HS6ST2: variants seen among roughly 807,000 people sequenced by gnomAD.
HS6ST2 encodes the protein heparan sulfate 6-O-sulfotransferase 2.
HS6ST2 carries 17 observed loss-of-function variants against 33.0 expected under a neutral mutation model. That is an observed-to-expected ratio of 0.52 (90% confidence interval 0.35 to 0.77). The LOEUF (loss-of-function observed/expected upper bound fraction) is 0.77. Ranked by LOEUF, HS6ST2 falls within the 30% of genes least tolerant of loss-of-function variation. The probability of loss-of-function intolerance (pLI) is 0.01; values close to 1 mark genes in which losing one functional copy is unlikely to be tolerated. For missense variants in HS6ST2, 519 were observed against 551.7 expected (o/e 0.94, Z 0.59); for synonymous variants, 248 against 237.1 (o/e 1.05, Z -0.42).
In HS6ST2 at chrX:132,958,479, G is replaced by A; in HGVS notation, c.124C>T (p.Arg42Trp). 2.5e-6 allele frequency: 3 copies of A among 1,196,362 alleles called. No individual in the cohort carries two copies. Among genetic ancestry groups the A allele is most frequent in the Non-Finnish European group, 3.4e-6 (3 of 889,453 alleles). ...ACTGAGGCGGCGACCGACCCGGGCC[G>A]GCTCGCTGCCAATTCGGCCTCTACT... The part of the protein sequence containing the change: ...SRVEAELAAS[R>W]PGSVAASVRA... Residue 42 changes from arginine (R) to tryptophan (W), a missense_variant, in exon 1 of 5, where the codon CGG becomes TGG. By Grantham distance (101) the Arg-to-Trp change is moderately radical. Coordinates refer to ENST00000370833, the MANE Select transcript of HS6ST2 (RefSeq NM_001394073.1).
At chrX:132,678,053 A>G (rs746416279) in intron 3 of HS6ST2, among the ~76,000 whole-genome samples, 7 of 111,874 alleles carry the variant, frequency 6.3e-5, no homozygotes, top group Admixed American at 1.9e-4. Context: ...AAATGCATCT[A>G]TACCTAAAAG....
chrX:132,958,198 G>T lies in HS6ST2; in HGVS notation c.405C>A (p.Ser135=). ...SLKHVLGAIF[S]KIFGPMASVG... ...ACCTGGCCATGGGGCCGAAAATCTT[G>T]GAGAAGATCGCACCGAGCACGTGCT... Residue 135 remains serine, a synonymous_variant, in exon 1 of 5, where the codon TCC becomes TCA. Coordinates refer to ENST00000370833, the MANE Select transcript of HS6ST2 (RefSeq NM_001394073.1). The T allele has an allele frequency of 8.7e-7, 1 of 1,154,031 alleles. No homozygotes were observed. The highest frequency in any genetic ancestry group is 3.0e-5 in the East Asian group (1 of 32,816).
intron 2 of HS6ST2, among the ~76,000 whole-genome samples, chrX:132,750,793 C>T (rs931768756): frequency 2.7e-5 from 3 of 112,604 alleles, no homozygotes; most frequent in African/African-American, 9.7e-5. Context: ...ACCAAGCCTT[C>T]GGCTTCAGTA....
intron 2 of HS6ST2, among the ~76,000 whole-genome samples, chrX:132,936,092 T>C (rs2066820174): frequency 9.1e-6 from 1 of 109,499 alleles, no homozygotes; most frequent in African/African-American, 3.3e-5. Flanking sequence ...AAACAGAACT[T>C]ATACTGAACA....
chrX:132,692,950 T>C (rs2064078087), intron 3 of HS6ST2, among the ~76,000 whole-genome samples: 1 of 111,897 alleles, frequency 8.9e-6, no homozygotes, highest in Non-Finnish European at 1.9e-5. Context: ...GTTTGTTGAA[T>C]GAGCCTGGAT....
At chrX:132,859,948 A>C (rs1459173930) in intron 2 of HS6ST2, among the ~76,000 whole-genome samples, 1 of 108,743 alleles carries the variant, frequency 9.2e-6, no homozygotes, top group Admixed American at 9.9e-5. Context: ...GGAGGGAAAA[A>C]TGGCTCCTTA....
chrX:132,772,790 G>T (rs1026904171), intron 2 of HS6ST2, among the ~76,000 whole-genome samples: 1 of 82,810 alleles, frequency 1.2e-5, no homozygotes, highest in East Asian at 3.5e-4. Context: ...TTTTATATAT[G>T]ATATAATATA....
intron 4 of HS6ST2, among the ~76,000 whole-genome samples, chrX:132,643,495 A>G (rs2063617142): frequency 8.9e-6 from 1 of 111,824 alleles, no homozygotes; most frequent in Non-Finnish European, 1.9e-5. Context: ...ACAAACTCAT[A>G]TTTTTCATAG....
intron 2 of HS6ST2, among the ~76,000 whole-genome samples, chrX:132,896,253 G>A (rs1217639337): frequency 9.0e-6 from 1 of 110,704 alleles, no homozygotes; most frequent in Non-Finnish European, 1.9e-5. Flanking sequence ...GGTGGATCAC[G>A]AGGTCAGGAG....
chrX:132,640,868 A>G (rs186578197), intron 4 of HS6ST2, among the ~76,000 whole-genome samples: 7 of 112,222 alleles, frequency 6.2e-5, no homozygotes, highest in African/African-American at 2.3e-4. Flanking sequence ...GACTTGCATC[A>G]CATTTCTTTT....
At chrX:132,949,017 T>A (rs1469247175) in intron 2 of HS6ST2, among the ~76,000 whole-genome samples, 1 of 111,697 alleles carries the variant, frequency 9.0e-6, no homozygotes, top group Non-Finnish European at 1.9e-5. Context: ...AGTTGGACAA[T>A]GACATTTCTA....
rs780391124 is a variant in HS6ST2, at chrX:132,785,552, T to A, written c.948-77058A>T. ...ATAATGCAGCCCATTTGACTATAAA[T>A]CACTCCCAAAGGGACACACTAACAT... On this transcript the variant is annotated intron_variant, in intron 2 of 4. Coordinates refer to ENST00000370833, the MANE Select transcript of HS6ST2 (RefSeq NM_001394073.1). Among the ~76,000 whole-genome samples the A allele has an allele frequency of 5.2e-4, 58 of 111,969 alleles. No homozygotes were observed. In the Admixed American group the frequency reaches 5.4e-3, roughly 10 times the overall value.
At chrX:132,710,456 G>A (rs1037974829) in intron 2 of HS6ST2, among the ~76,000 whole-genome samples, 1 of 111,000 alleles carries the variant, frequency 9.0e-6, no homozygotes, top group African/African-American at 3.3e-5. Flanking sequence ...GAGGTTAGAG[G>A]TACTGAGTAG....
At chrX:132,753,630 C>G (rs2064729294) in intron 2 of HS6ST2, among the ~76,000 whole-genome samples, 1 of 112,172 alleles carries the variant, frequency 8.9e-6, no homozygotes, top group African/African-American at 3.2e-5. Flanking sequence ...GTTCATTAAA[C>G]CACTTTACTT....
At chrX:132,850,519 C>A (rs1285633766) in intron 2 of HS6ST2, among the ~76,000 whole-genome samples, 4 of 111,081 alleles carry the variant, frequency 3.6e-5, no homozygotes, top group Non-Finnish European at 5.7e-5. Flanking sequence ...GAGGGGAGCA[C>A]CTATGAATCA....
chrX:132,643,708 C>T (rs1316140116), intron 4 of HS6ST2, among the ~76,000 whole-genome samples: 3 of 111,384 alleles, frequency 2.7e-5, no homozygotes, highest in African/African-American at 9.8e-5. Context: ...GAACAGGAAT[C>T]GGCTTTAGGC....
chrX:132,758,474 C>T (rs756931874), intron 2 of HS6ST2: 9 of 112,018 alleles, frequency 8.0e-5, no homozygotes, highest in South Asian at 3.8e-4. Context: ...TGTCCAATTA[C>T]GTTAGTCTTC....
At chrX:132,642,613 C>T (rs940914439) in intron 4 of HS6ST2, among the ~76,000 whole-genome samples, 2 of 111,741 alleles carry the variant, frequency 1.8e-5, no homozygotes, top group Non-Finnish European at 3.8e-5. Context: ...GGCTGGGCTA[C>T]ATGTGTGGGG....
At chrX:132,759,914 A>G (rs772135843) in intron 2 of HS6ST2, among the ~76,000 whole-genome samples, 6 of 111,871 alleles carry the variant, frequency 5.4e-5, no homozygotes, top group Non-Finnish European at 1.1e-4. Context: ...CCTATGAGGT[A>G]GGTTCTATTT....
Sources: gnomAD v4.1 joint callset for allele counts (sites outside exome capture counted in the v4.1 genomes callset) on GRCh38, gnomAD v4.1.1 for gene constraint, MANE v1.5 for transcripts, NCBI Gene and HGNC (gene_info 2026-07-23, HGNC 2026-07-21) for gene names.